The following SUPT3H variants were observed in gnomAD, a reference collection of about 807,000 sequenced individuals.
SUPT3H encodes the protein transcription initiation protein SPT3 homolog.
In SUPT3H, 44 loss-of-function variants were observed where a neutral mutation model predicts 44.3. The ratio of observed to expected loss-of-function variants is 0.99; its 90% CI spans 0.78 to 1.28. The LOEUF is 1.28. Ranked by LOEUF, SUPT3H falls within the 50% of genes most tolerant of loss-of-function variation. The probability of loss-of-function intolerance (pLI) is 0.00; values close to 1 mark genes in which losing one functional copy is unlikely to be tolerated. For missense variants in SUPT3H, 380 were observed against 387.1 expected, an observed-to-expected ratio of 0.98 and a Z score of 0.15; for synonymous variants, 124 against 125.6, an observed-to-expected ratio of 0.99 and a Z score of 0.09.
At chr6:45,224,404 T>C (rs1347218609) in intron 2 of SUPT3H, among the ~76,000 whole-genome samples, 1 of 152,154 alleles carries the variant, frequency 6.6e-6, no homozygotes, top group Non-Finnish European at 1.5e-5. Context: ...ATACTGAGTT[T>C]ACTATTTTAA....
chr6:45,332,539 C>A (rs1403956757), intron 2 of SUPT3H, among the ~76,000 whole-genome samples: 3 of 151,856 alleles, frequency 2.0e-5, no homozygotes, highest in South Asian at 2.1e-4. Flanking sequence ...ACTGTTCTAA[C>A]CTTTGTTCTA....
At chr6:45,254,519 G>T (rs1474941551) in intron 2 of SUPT3H, among the ~76,000 whole-genome samples, 1 of 152,174 alleles carries the variant, frequency 6.6e-6, no homozygotes, top group Non-Finnish European at 1.5e-5. Context: ...GATTGGCAAA[G>T]ATTCTAAGTG....
At chr6:44,922,186 T>C (rs1037174432) in intron 10 of SUPT3H, among the ~76,000 whole-genome samples, 3 of 152,228 alleles carry the variant, frequency 2.0e-5, no homozygotes, top group East Asian at 1.9e-4. Context: ...TGTGCATACA[T>C]AGCCTAGGGG....
At chr6:45,283,086 C>T (rs1286162958) in intron 2 of SUPT3H, among the ~76,000 whole-genome samples, 2 of 152,110 alleles carry the variant, frequency 1.3e-5, no homozygotes, top group South Asian at 2.1e-4. Context: ...CTGAAGGAAG[C>T]ACTAAACATG....
At chr6:44,884,697 G>A (rs986590100) in intron 10 of SUPT3H, among the ~76,000 whole-genome samples, 2 of 152,096 alleles carry the variant, frequency 1.3e-5, no homozygotes, top group African/African-American at 4.8e-5. Context: ...TGCAGAAGAC[G>A]GGTGATTTCT....
intron 2 of SUPT3H, among the ~76,000 whole-genome samples, chr6:45,287,366 C>A (rs558560675): frequency 6.6e-6 from 1 of 152,272 alleles, no homozygotes; most frequent in African/African-American, 2.4e-5. Flanking sequence ...ATCCAACTGT[C>A]CCTCAGCAGA....
At chr6:45,283,420 G>T (rs576827173) in intron 2 of SUPT3H, among the ~76,000 whole-genome samples, 1 of 151,942 alleles carries the variant, frequency 6.6e-6, no homozygotes, top group Non-Finnish European at 1.5e-5. Flanking sequence ...AACAAAAAAA[G>T]GCAGGGGTTG....
chr6:44,853,572 T>A (rs970594041), intron 10 of SUPT3H, among the ~76,000 whole-genome samples: 13 of 152,162 alleles, frequency 8.5e-5, no homozygotes, highest in African/African-American at 3.1e-4. Context: ...TCTTTCCAGG[T>A]TCTCTGGTCT....
At chr6:45,270,354 CT>C in intron 2 of SUPT3H, among the ~76,000 whole-genome samples, 1 of 152,180 alleles carries the variant, frequency 6.6e-6, no homozygotes, top group East Asian at 1.9e-4. Context: ...TAAGTCTCAT[CT>C]TTAATTCCCA....
chr6:44,989,763 A>T (rs540400477), intron 6 of SUPT3H, among the ~76,000 whole-genome samples: 1 of 152,088 alleles, frequency 6.6e-6, no homozygotes, highest in African/African-American at 2.4e-5. Flanking sequence ...ACTGTTAAGC[A>T]TCTTTTCATA....
At chr6:45,105,311 TACA>T (rs552146276) in intron 3 of SUPT3H, among the ~76,000 whole-genome samples, 155 of 152,276 alleles carry the variant, frequency 1.0e-3, no homozygotes, top group Non-Finnish European at 1.8e-3. Flanking sequence ...ATTAGAAGGC[TACA>T]TGAGTGAATT....
chr6:45,143,488 TA>T (rs1176339314), intron 2 of SUPT3H, among the ~76,000 whole-genome samples: 1 of 152,022 alleles, frequency 6.6e-6, no homozygotes. Flanking sequence ...ATAAAAAAAT[TA>T]AAAATTCTTT....
At chr6:45,205,245 T>C (rs147393065) in intron 2 of SUPT3H, among the ~76,000 whole-genome samples, 246 of 152,334 alleles carry the variant, frequency 1.6e-3, no homozygotes, top group African/African-American at 5.7e-3. Flanking sequence ...TTTACACTTC[T>C]ATCTACAGAT....
At chr6:45,253,371 T>G (rs1033506338) in intron 2 of SUPT3H, among the ~76,000 whole-genome samples, 1 of 152,208 alleles carries the variant, frequency 6.6e-6, no homozygotes, top group African/African-American at 2.4e-5. Context: ...GATAACTATC[T>G]AATTATCAAG....
At chr6:45,058,095 T>C (rs1449445446) in intron 3 of SUPT3H, among the ~76,000 whole-genome samples, 1 of 152,136 alleles carries the variant, frequency 6.6e-6, no homozygotes, top group Non-Finnish European at 1.5e-5. Context: ...TTTTTTAACT[T>C]TAATGTGCAT....
At chr6:44,888,159 G>A (rs940283904) in intron 10 of SUPT3H, among the ~76,000 whole-genome samples, 1 of 152,164 alleles carries the variant, frequency 6.6e-6, no homozygotes, top group Non-Finnish European at 1.5e-5. Context: ...GGACCAGAAG[G>A]ATTCACAGCC....
intron 2 of SUPT3H, among the ~76,000 whole-genome samples, chr6:45,332,202 CT>C (rs1192419429): frequency 1.3e-5 from 2 of 151,190 alleles, no homozygotes; most frequent in Admixed American, 6.6e-5. Flanking sequence ...TGTATCACAA[CT>C]TTTTTTTTCA....
intron 2 of SUPT3H, among the ~76,000 whole-genome samples, chr6:45,299,183 T>C (rs900788905): frequency 1.1e-4 from 15 of 138,356 alleles, no homozygotes; most frequent in African/African-American, 3.8e-4. Context: ...CCATCTCTAC[T>C]GAAAGTACAA....
intron 2 of SUPT3H, among the ~76,000 whole-genome samples, chr6:45,139,776 A>G (rs1804870449): frequency 6.6e-6 from 1 of 152,066 alleles, no homozygotes. Flanking sequence ...GCCCACCTTC[A>G]TATATCTCAC....
Sources: allele counts gnomAD v4.1 joint callset (sites outside exome capture counted in the v4.1 genomes callset), GRCh38; gene constraint gnomAD v4.1.1; transcripts MANE v1.5; gene names NCBI Gene and HGNC (gene_info 2026-07-23, HGNC 2026-07-21).